TMEM135: variants seen among roughly 807,000 people sequenced by gnomAD.
TMEM135 encodes transmembrane protein 135, also known as peroxisomal membrane protein 52.
In TMEM135, 30 loss-of-function variants were observed where a neutral mutation model predicts 60.3. The ratio of observed to expected loss-of-function variants is 0.50; its 90% CI spans 0.37 to 0.68. The LOEUF (loss-of-function observed/expected upper bound fraction) is 0.68, where lower values mean the gene tolerates loss of function less well. TMEM135 is among the 30% of genes least tolerant of loss of function. The probability of loss-of-function intolerance (pLI) is 0.00; values close to 1 mark genes in which losing one functional copy is unlikely to be tolerated. For synonymous variants in TMEM135, 190 were observed against 186.7 expected (o/e 1.02, Z -0.14); for missense variants, 468 against 548.8 (o/e 0.85, Z 1.47).
At chr11:87,138,079 A>G (rs1938154333) in intron 4 of TMEM135, among the ~76,000 whole-genome samples, 1 of 139,612 alleles carries the variant, frequency 7.2e-6, no homozygotes, top group African/African-American at 2.6e-5. Context: ...AAAAAGACCA[A>G]GTTGATTTCT....
At chr11:87,137,623 A>ACTAT (rs1311726378) in intron 4 of TMEM135, among the ~76,000 whole-genome samples, 6 of 152,162 alleles carry the variant, frequency 3.9e-5, no homozygotes, top group African/African-American at 1.4e-4. Flanking sequence ...GAAGAGGGAC[A>ACTAT]CTATCTTGTT....
rs188871519 is a variant in TMEM135 at position 87,241,495 on chromosome 11, T to C, written c.509+4811T>C. 8.5e-5 allele frequency among the ~76,000 whole-genome samples: 13 copies of C among 152,288 alleles called. No homozygotes were observed. The East Asian group carries it at 2.5e-3, about 29-fold the overall frequency. ...CATTGCCTCAAGCATTTATCATGTCTCTGTGTTACAAACATTCTAATTATA... is the reference window on the plus strand; with the variant it reads ...CATTGCCTCAAGCATTTATCATGTCCCTGTGTTACAAACATTCTAATTATA... On this transcript the variant is annotated intron_variant, in intron 6 of 14. Transcript: ENST00000305494.
chr11:87,246,813 C>G (rs1268311055), intron 6 of TMEM135, among the ~76,000 whole-genome samples: 2 of 116,212 alleles, frequency 1.7e-5, no homozygotes, highest in African/African-American at 3.3e-5. Flanking sequence ...TCCTGTAGCT[C>G]AGAGTAGTTT....
chr11:87,059,303 A>G (rs1322603696), intron 1 of TMEM135, among the ~76,000 whole-genome samples: 1 of 142,874 alleles, frequency 7.0e-6, no homozygotes, highest in Non-Finnish European at 1.5e-5. Flanking sequence ...TGTTGTTTGA[A>G]GTTCTTTTTT....
chr11:87,086,612 G>A (rs1217453557), intron 3 of TMEM135, among the ~76,000 whole-genome samples: 1 of 152,108 alleles, frequency 6.6e-6, no homozygotes, highest in Non-Finnish European at 1.5e-5. Flanking sequence ...TCAGAATAGG[G>A]AAGTGCTTGC....
At chr11:87,278,342 T>A (rs1344571742) in intron 6 of TMEM135, among the ~76,000 whole-genome samples, 1 of 152,054 alleles carries the variant, frequency 6.6e-6, no homozygotes, top group Non-Finnish European at 1.5e-5. Context: ...TATAATTTTT[T>A]ACCTCTAGTT....
At chr11:87,111,375 C>T (rs1246806769) in intron 4 of TMEM135, among the ~76,000 whole-genome samples, 2 of 151,932 alleles carry the variant, frequency 1.3e-5, no homozygotes, top group East Asian at 1.9e-4. Flanking sequence ...TAGCCTGGCG[C>T]TGTGGCTCAC....
intron 3 of TMEM135, among the ~76,000 whole-genome samples, chr11:87,075,643 T>G (rs17758940): frequency 0.14 from 21,231 of 152,196 alleles, 1,577 homozygotes; most frequent in Non-Finnish European, 0.16. Flanking sequence ...ACAGCATTGC[T>G]TTATTGAAGT....
intron 8 of TMEM135, among the ~76,000 whole-genome samples, chr11:87,303,510 C>G (rs11600803): frequency 2.6e-5 from 4 of 152,048 alleles, no homozygotes; most frequent in Non-Finnish European, 5.9e-5. Flanking sequence ...TAACTTTGGA[C>G]GAGAGATTTA....
intron 6 of TMEM135, among the ~76,000 whole-genome samples, chr11:87,247,544 C>G (rs1316765421): frequency 6.6e-6 from 1 of 152,142 alleles, no homozygotes; most frequent in Non-Finnish European, 1.5e-5. Context: ...TTTACCTAAG[C>G]AAGCCTGGGC....
In TMEM135 at chr11:87,309,497, T is replaced by G; in HGVS notation, c.769-8T>G. 6.2e-7 allele frequency: 1 copy of G among 1,613,566 alleles called. No homozygotes were observed. Among genetic ancestry groups the G allele is most frequent in the South Asian group, 1.1e-5 (1 of 91,026 alleles). Reference sequence around the variant, plus strand: ...TGTAAATCAGGTTTTTCTCCAAATTTCCTCTAGGGTTTCATCAGAATGTTT... The same window carrying G: ...TGTAAATCAGGTTTTTCTCCAAATTGCCTCTAGGGTTTCATCAGAATGTTT... On this transcript the variant is annotated splice_polypyrimidine_tract_variant and splice_region_variant and intron_variant, in intron 9 of 14. Transcript: ENST00000305494.
intron 4 of TMEM135, among the ~76,000 whole-genome samples, chr11:87,147,905 G>A (rs906062076): frequency 2.0e-5 from 3 of 152,016 alleles, no homozygotes; most frequent in African/African-American, 4.8e-5. Flanking sequence ...CTACAGGCAC[G>A]CACCACCATG....
At chr11:87,242,626 G>A (rs1372607882) in intron 6 of TMEM135, among the ~76,000 whole-genome samples, 5 of 134,342 alleles carry the variant, frequency 3.7e-5, no homozygotes, top group African/African-American at 8.2e-5. Context: ...TTTTTCATGG[G>A]TCTTTTGGCT....
intron 4 of TMEM135, among the ~76,000 whole-genome samples, chr11:87,153,956 CTATT>C (rs1233810805): frequency 6.6e-6 from 1 of 152,148 alleles, no homozygotes; most frequent in Non-Finnish European, 1.5e-5. Context: ...ATAAGAATAA[CTATT>C]TTTTTTAATT....
At chr11:87,143,568 A>AT (rs1403447063) in intron 4 of TMEM135, among the ~76,000 whole-genome samples, 1 of 152,222 alleles carries the variant, frequency 6.6e-6, no homozygotes, top group Non-Finnish European at 1.5e-5. Context: ...GTTGCAGAAC[A>AT]TAACTTAGTG....
chr11:87,041,659 A>C (rs1949751096), intron 1 of TMEM135, among the ~76,000 whole-genome samples: 1 of 152,220 alleles, frequency 6.6e-6, no homozygotes, highest in South Asian at 2.1e-4. Flanking sequence ...TAATTATGAT[A>C]TATGTCTCTA....
chr11:87,122,058 C>T (rs561923634), intron 4 of TMEM135, among the ~76,000 whole-genome samples: 56 of 152,270 alleles, frequency 3.7e-4, no homozygotes, highest in Non-Finnish European at 7.1e-4. Flanking sequence ...ACATCAACAG[C>T]GAAGAGAAGA....
At chr11:87,171,773 A>G (rs1939243447) in intron 5 of TMEM135, among the ~76,000 whole-genome samples, 1 of 152,180 alleles carries the variant, frequency 6.6e-6, no homozygotes, top group African/African-American at 2.4e-5. Flanking sequence ...TTCGTCGAAG[A>G]CAATTTTTCC....
intron 5 of TMEM135, among the ~76,000 whole-genome samples, chr11:87,227,559 TA>T (rs1940790481): frequency 6.6e-6 from 1 of 152,054 alleles, no homozygotes; most frequent in African/African-American, 2.4e-5. Context: ...ATGAACTAAT[TA>T]AAAAAATGGA....
Sources: gnomAD v4.1 joint callset for allele counts (sites outside exome capture counted in the v4.1 genomes callset) on GRCh38, gnomAD v4.1.1 for gene constraint, MANE v1.5 for transcripts, NCBI Gene and HGNC (gene_info 2026-07-23, HGNC 2026-07-21) for gene names.